ZMYM5: variants seen among roughly 807,000 people sequenced by gnomAD.
ZMYM5 encodes zinc finger MYM-type protein 5.
Under a neutral mutation model 61.8 loss-of-function variants are expected in ZMYM5, and 41 were observed. That is an observed-to-expected ratio of 0.66 (90% CI 0.52 to 0.86). The LOEUF is 0.86. Ranked by LOEUF, ZMYM5 falls within the 40% of genes least tolerant of loss-of-function variation. The probability of loss-of-function intolerance (pLI) is 0.00; values close to 1 mark genes in which losing one functional copy is unlikely to be tolerated. For synonymous variants in ZMYM5, 257 were observed against 276.4 expected, an observed-to-expected ratio of 0.93 and a Z score of 0.70; for missense variants, 706 against 786.7, an observed-to-expected ratio of 0.90 and a Z score of 1.23.
At chr13:19,834,809 T>C (rs1952624378) in intron 7 of ZMYM5, among the ~76,000 whole-genome samples, 1 of 151,972 alleles carries the variant, frequency 6.6e-6, no homozygotes, top group Non-Finnish European at 1.5e-5. Flanking sequence ...ATGCCTCAGC[T>C]TCCCAAGTAG....
chr13:19,840,584 G>A (rs1952833657), intron 4 of ZMYM5, among the ~76,000 whole-genome samples: 2 of 151,970 alleles, frequency 1.3e-5, no homozygotes, highest in Non-Finnish European at 2.9e-5. Flanking sequence ...ATGTTGCCCA[G>A]GCTGATCTTG....
At chr13:19,852,435 G>GA (rs1046083332) in intron 2 of ZMYM5, among the ~76,000 whole-genome samples, 4 of 151,962 alleles carry the variant, frequency 2.6e-5, no homozygotes, top group Non-Finnish European at 4.4e-5. Context: ...TCTTTATAGT[G>GA]AAAAAATGCC....
intron 2 of ZMYM5, 125 bp from the exon 3 acceptor site, chr13:19,852,315 T>G: frequency 9.9e-7 from 1 of 1,009,936 alleles, no homozygotes; most frequent in Non-Finnish European, 1.4e-6. Context: ...CATTTTGTTT[T>G]TCCTCTACTG....
Position 19,840,789 on chromosome 13 carries a change from A to G in ZMYM5, c.587-1804T>C, listed in dbSNP as rs4040784. 4.0e-3 allele frequency among the ~76,000 whole-genome samples: 599 copies of G among 150,764 alleles called. 3 individuals are homozygous for G. The highest frequency in any genetic ancestry group is 0.01 in the Middle Eastern group (3 of 290). On this transcript the variant is annotated intron_variant, in intron 4 of 7. Transcript: ENST00000337963. ...CCTCCTGGGTTCATGCCATTCTCCT[A>G]CCTCAAGCCTCCTGAGTAGCTGGGA... is the stretch of plus-strand genomic sequence containing the variant.
chr13:19,849,935 C>T (rs948499802), intron 4 of ZMYM5, among the ~76,000 whole-genome samples: 5 of 151,160 alleles, frequency 3.3e-5, no homozygotes, highest in Non-Finnish European at 7.4e-5. Flanking sequence ...GAGCCGAGAT[C>T]GTGCCACTGC....
intron 7 of ZMYM5, among the ~76,000 whole-genome samples, chr13:19,826,469 C>A (rs368759981): frequency 1.3e-5 from 2 of 152,170 alleles, no homozygotes; most frequent in East Asian, 3.9e-4. Context: ...AATATATGGA[C>A]ACACAGGCCA....
intron 2 of ZMYM5, among the ~76,000 whole-genome samples, chr13:19,855,272 T>C (rs1389566916): frequency 6.6e-6 from 1 of 152,124 alleles, no homozygotes; most frequent in Non-Finnish European, 1.5e-5. Context: ...TATCTTCTTT[T>C]TTTTTTTTAA....
chr13:19,827,757 C>T (rs1890982647), intron 7 of ZMYM5, among the ~76,000 whole-genome samples: 2 of 151,940 alleles, frequency 1.3e-5, no homozygotes, highest in South Asian at 4.1e-4. Context: ...GTGGGCTGGG[C>T]ACGGTGGCTC....
intron 4 of ZMYM5, among the ~76,000 whole-genome samples, chr13:19,847,642 CTTTTTTTTT>C (rs61154366): frequency 2.1e-5 from 3 of 140,758 alleles, no homozygotes; most frequent in African/African-American, 7.9e-5. Context: ...TTTAATTTTT[CTTTTTTTTT>C]TTTTTCTGTG....
intron 4 of ZMYM5, among the ~76,000 whole-genome samples, chr13:19,851,011 T>A (rs1332604113): frequency 2.0e-5 from 3 of 151,990 alleles, no homozygotes; most frequent in Non-Finnish European, 2.9e-5. Flanking sequence ...GAGTTCGAGA[T>A]CAGCTTGGTC....
At chr13:19,845,173 G>A (rs956375311) in intron 4 of ZMYM5, among the ~76,000 whole-genome samples, 1 of 152,088 alleles carries the variant, frequency 6.6e-6, no homozygotes, top group African/African-American at 2.4e-5. Flanking sequence ...TATTTAATAT[G>A]ATCTAATAAT....
chr13:19,829,188 G>A (rs556747713), intron 7 of ZMYM5, among the ~76,000 whole-genome samples: 2 of 152,112 alleles, frequency 1.3e-5, no homozygotes, highest in Non-Finnish European at 2.9e-5. Context: ...AAACAAATAG[G>A]AGTCCCTTAC....
intron 7 of ZMYM5, among the ~76,000 whole-genome samples, chr13:19,831,803 A>AAC (rs1555258432): frequency 4.0e-5 from 6 of 150,542 alleles, no homozygotes; most frequent in Non-Finnish European, 7.4e-5. Context: ...AAAAAAAAAA[A>AAC]AAAAAAAAAA....
intron 4 of ZMYM5, among the ~76,000 whole-genome samples, chr13:19,842,757 C>T (rs1452881081): frequency 1.3e-5 from 2 of 150,558 alleles, no homozygotes; most frequent in East Asian, 4.0e-4. Context: ...GTCAGGAGTT[C>T]GAGGCCAGCC....
At chr13:19,850,884 A>T (rs1192726957) in intron 4 of ZMYM5, among the ~76,000 whole-genome samples, 1 of 152,210 alleles carries the variant, frequency 6.6e-6, no homozygotes, top group African/African-American at 2.4e-5. Flanking sequence ...TAGACCGTAC[A>T]GTTTTATTAA....
Position 19,852,002 on chromosome 13 carries a change from ACAT to A in ZMYM5, c.176_178del (p.Asp59del), listed in dbSNP as rs112044779. 3.6e-5 allele frequency: 58 copies of A among 1,611,654 alleles called. No homozygotes were observed. Among genetic ancestry groups the A allele is most frequent in the East Asian group, 1.6e-4 (7 of 44,858 alleles). On this transcript the variant is annotated inframe_deletion, in exon 3 of 8. Transcript: ENST00000337963. ...AGGTTGTATAGATTCAATAAACACA[ACAT>A]CATCATCATCATCATCATCTTCCAC...
In ZMYM5 at chr13:19,833,195, G is replaced by A. The variant is rs182359923; in HGVS notation, c.1251+2282C>T. Among the ~76,000 whole-genome samples, 420 of 152,212 alleles carry A rather than the reference G, an allele frequency of 2.8e-3. 7 individuals are homozygous for A. In the South Asian group the frequency reaches 0.038, roughly 14 times the overall value. The stretch of plus-strand genomic sequence containing the variant: ...TGGGTATCCACTGTTTCTCCTGTTC[G>A]ATAAAAGCCTAGCAATTCAGGGTTA... On this transcript the variant is annotated intron_variant, in intron 7 of 7. Coordinates refer to ENST00000337963, the MANE Select transcript of ZMYM5 (RefSeq NM_001142684.2).
At position 19,827,807 on chromosome 13, in the gene ZMYM5, G is replaced by A. The variant is rs376282921; in HGVS notation, c.1252-2572C>T. 3.4e-3 allele frequency among the ~76,000 whole-genome samples: 522 copies of A among 151,844 alleles called. 2 individuals are homozygous for A. Among genetic ancestry groups the A allele is most frequent in the South Asian group, 0.029 (139 of 4,810 alleles). On this transcript the variant is annotated intron_variant, in intron 7 of 7. Transcript: ENST00000337963. ...AGCACTTTGGGAGGCTGAGGCGGGC[G>A]GATCACGAGGTCAGGAGATCGAGAC... is the stretch of plus-strand genomic sequence containing the variant.
intron 2 of ZMYM5, 142 bp downstream of exon 2, chr13:19,862,257 G>A (rs1375436241): frequency 5.3e-5 from 8 of 152,012 alleles, no homozygotes; most frequent in African/African-American, 1.9e-4. Flanking sequence ...GCTTGGCTCT[G>A]GGGACAGGGG....
Sources: gnomAD v4.1 joint callset for allele counts (sites outside exome capture counted in the v4.1 genomes callset) on GRCh38, gnomAD v4.1.1 for gene constraint, MANE v1.5 for transcripts, NCBI Gene and HGNC (gene_info 2026-07-23, HGNC 2026-07-21) for gene names.